UVRAG: variants seen among roughly 807,000 people sequenced by gnomAD.
UVRAG encodes the protein UV radiation resistance-associated gene protein.
Under a neutral mutation model 78.0 loss-of-function variants are expected in UVRAG, and 19 were observed. The ratio of observed to expected loss-of-function variants is 0.24; its 90% CI spans 0.17 to 0.36. The LOEUF is 0.36. UVRAG is among the 10% of genes least tolerant of loss of function. The pLI, the probability that UVRAG is intolerant of heterozygous loss-of-function variation, is 1.00. For synonymous variants in UVRAG, 323 were observed against 324.6 expected (o/e 1.00, Z 0.05); for missense variants, 740 against 853.8 (o/e 0.87, Z 1.66).
intron 1 of UVRAG, among the ~76,000 whole-genome samples, chr11:75,850,203 T>C (rs560713946): frequency 7.0e-4 from 107 of 152,316 alleles, no homozygotes; most frequent in African/African-American, 2.5e-3. Context: ...TTTTGTTATT[T>C]AGGCATGGAA....
chr11:75,971,560 T>C (rs1949121532), intron 7 of UVRAG, among the ~76,000 whole-genome samples: 1 of 152,220 alleles, frequency 6.6e-6, no homozygotes, highest in Admixed American at 6.5e-5. Context: ...ATCACATTGT[T>C]GTTTTAACTT....
intron 8 of UVRAG, among the ~76,000 whole-genome samples, chr11:75,991,514 G>C (rs1949605950): frequency 6.6e-6 from 1 of 152,058 alleles, no homozygotes; most frequent in African/African-American, 2.4e-5. Flanking sequence ...TTATGAGGTA[G>C]ATGCTATTAT....
chr11:75,821,033 A>T (rs1399587617), intron 1 of UVRAG, among the ~76,000 whole-genome samples: 1 of 152,228 alleles, frequency 6.6e-6, no homozygotes, highest in Non-Finnish European at 1.5e-5. Context: ...TCATCACTGT[A>T]TATTTCCAGA....
At chr11:76,125,892 C>T (rs1178520330) in intron 14 of UVRAG, among the ~76,000 whole-genome samples, 5 of 151,514 alleles carry the variant, frequency 3.3e-5, no homozygotes, top group Non-Finnish European at 7.4e-5. Flanking sequence ...TGTACCAACA[C>T]TTTTCAATAG....
chr11:75,822,957 CCTGGTCTTT>C (rs1945430580), intron 1 of UVRAG, among the ~76,000 whole-genome samples: 1 of 151,996 alleles, frequency 6.6e-6, no homozygotes, highest in Non-Finnish European at 1.5e-5. Flanking sequence ...CTGATCATGG[CCTGGTCTTT>C]CTGGTGACCA....
chr11:75,993,201 T>C (rs1949645557), intron 8 of UVRAG, among the ~76,000 whole-genome samples: 1 of 152,218 alleles, frequency 6.6e-6, no homozygotes, highest in Admixed American at 6.5e-5. Flanking sequence ...CAGGTGCTTA[T>C]ATTTTTGTTC....
chr11:75,955,167 T>G (rs1350143013), intron 6 of UVRAG, among the ~76,000 whole-genome samples: 1 of 152,124 alleles, frequency 6.6e-6, no homozygotes, highest in Non-Finnish European at 1.5e-5. Flanking sequence ...GCTGTCTTTT[T>G]AAGAGAGTAT....
intron 12 of UVRAG, among the ~76,000 whole-genome samples, chr11:76,039,368 C>T (rs1485826630): frequency 6.6e-6 from 1 of 152,256 alleles, no homozygotes; most frequent in African/African-American, 2.4e-5. Flanking sequence ...CTATAGCAAG[C>T]ATTAGACTTA....
chr11:76,137,304 G>T (rs922359687), intron 14 of UVRAG: 1 of 455,244 alleles, frequency 2.2e-6, no homozygotes, highest in Non-Finnish European at 4.4e-6. Flanking sequence ...AAGAACCCAC[G>T]CCAGGCTTAC....
At chr11:75,921,434 C>G (rs979732390) in intron 6 of UVRAG, among the ~76,000 whole-genome samples, 6 of 152,134 alleles carry the variant, frequency 3.9e-5, no homozygotes, top group Admixed American at 3.9e-4. Context: ...GAGTTGCTTG[C>G]ATTTTTCTCA....
At chr11:75,985,632 A>G (rs987329125) in intron 8 of UVRAG, among the ~76,000 whole-genome samples, 38 of 152,072 alleles carry the variant, frequency 2.5e-4, no homozygotes, top group African/African-American at 8.9e-4. Context: ...TTGTTTTTCT[A>G]TGTGTTCTTT....
chr11:75,861,655 A>C, intron 2 of UVRAG, 91 bp from the exon 3 acceptor site: 1 of 834,136 alleles, frequency 1.2e-6, no homozygotes, highest in Non-Finnish European at 1.9e-6. Context: ...GTTTTACTGC[A>C]ACATATGTTA....
At chr11:75,907,674 C>T (rs926469789) in intron 5 of UVRAG, among the ~76,000 whole-genome samples, 2 of 151,732 alleles carry the variant, frequency 1.3e-5, no homozygotes, top group African/African-American at 2.4e-5. Flanking sequence ...TCACCATGCC[C>T]AGCCAATTTC....
chr11:75,924,571 G>A (rs937343773), intron 6 of UVRAG, among the ~76,000 whole-genome samples: 1 of 151,866 alleles, frequency 6.6e-6, no homozygotes, highest in Non-Finnish European at 1.5e-5. Context: ...TGTATTTTTA[G>A]TAGAGAAGGG....
chr11:76,123,071 T>C (rs903740612), intron 14 of UVRAG, among the ~76,000 whole-genome samples: 3 of 152,142 alleles, frequency 2.0e-5, no homozygotes, highest in Non-Finnish European at 4.4e-5. Flanking sequence ...TGACTCCTGA[T>C]CCCATATTCT....
chr11:75,831,302 C>T (rs1300187343), intron 1 of UVRAG, among the ~76,000 whole-genome samples: 1 of 152,086 alleles, frequency 6.6e-6, no homozygotes, highest in African/African-American at 2.4e-5. Context: ...TCCTGGTCAA[C>T]ATGGTGAAAC....
chr11:75,835,785 C>A (rs990521615), intron 1 of UVRAG, among the ~76,000 whole-genome samples: 1 of 152,096 alleles, frequency 6.6e-6, no homozygotes, highest in Non-Finnish European at 1.5e-5. Context: ...TATAACAGAT[C>A]TCTGAAGGAT....
At chr11:76,131,394 G>A (rs1468482990) in intron 14 of UVRAG, among the ~76,000 whole-genome samples, 39 of 152,182 alleles carry the variant, frequency 2.6e-4, no homozygotes, top group Admixed American at 2.6e-3. Flanking sequence ...CTGGGCCATG[G>A]AGGCCTGATG....
At chr11:76,041,148 G>T (rs1253077446) in intron 12 of UVRAG, among the ~76,000 whole-genome samples, 3 of 152,166 alleles carry the variant, frequency 2.0e-5, no homozygotes, top group Non-Finnish European at 4.4e-5. Context: ...AAAGGGTATT[G>T]TATCAATCAT....
Sources: gnomAD v4.1 joint callset for allele counts (sites outside exome capture counted in the v4.1 genomes callset) on GRCh38, gnomAD v4.1.1 for gene constraint, MANE v1.5 for transcripts, NCBI Gene and HGNC (gene_info 2026-07-23, HGNC 2026-07-21) for gene names.